Variants in CPD observed in about 807,000 individuals in gnomAD.
CPD encodes the protein carboxypeptidase D, also known as metallocarboxypeptidase D.
Under a neutral mutation model 138.3 loss-of-function variants are expected in CPD, and 69 were observed. That is an observed-to-expected ratio of 0.50 (90% CI 0.41 to 0.61). The LOEUF is 0.61. Ranked by LOEUF, CPD falls within the 20% of genes least tolerant of loss-of-function variation. CPD has a pLI of 0.00. For synonymous variants in CPD, 651 were observed against 642.1 expected, an observed-to-expected ratio of 1.01 and a Z score of -0.21; for missense variants, 1,432 against 1,733.3, an observed-to-expected ratio of 0.83 and a Z score of 3.09.
chr17:30,437,986 A>C (rs1447992395), intron 8 of CPD, among the ~76,000 whole-genome samples: 1 of 144,264 alleles, frequency 6.9e-6, no homozygotes, highest in Non-Finnish European at 1.5e-5. Flanking sequence ...ACAGACATGT[A>C]GCACCATGTG....
chr17:30,408,929 A>G (rs1911881940), intron 2 of CPD, among the ~76,000 whole-genome samples: 1 of 152,058 alleles, frequency 6.6e-6, no homozygotes, highest in African/African-American at 2.4e-5. Context: ...AAACTGGCAC[A>G]GTATTCTTGT....
chr17:30,410,642 G>A (rs1226627624), intron 2 of CPD, among the ~76,000 whole-genome samples: 1 of 152,040 alleles, frequency 6.6e-6, no homozygotes, highest in African/African-American at 2.4e-5. Flanking sequence ...GATCTTTGTT[G>A]GTTTAAAGTC....
rs1359435704 is a variant in CPD at position 30,409,118 on chromosome 17, TG to T, written c.995-11721del. 2.5e-3 allele frequency among the ~76,000 whole-genome samples: 20 copies of T among 8,162 alleles called. No individual in the cohort carries two copies. In the East Asian group the frequency reaches 0.077, roughly 31 times the overall value. The allele number at this position is 8,162 out of a possible 152,430, so 5.4% of individuals were successfully genotyped here. On this transcript the variant is annotated intron_variant, in intron 2 of 20. Transcript: ENST00000225719. ...TTCAGTATCTATTGAGATAATCATGTGGTTTTTGTCATTTGGTTGTGTTTAT... is the reference window on the plus strand; with the variant it reads ...TTCAGTATCTATTGAGATAATCATGTGTTTTTGTCATTTGGTTGTGTTTAT...
intron 2 of CPD, among the ~76,000 whole-genome samples, chr17:30,417,173 C>T (rs1419731568): frequency 6.6e-6 from 1 of 150,662 alleles, no homozygotes; most frequent in Non-Finnish European, 1.5e-5. Context: ...TGTTTACTGT[C>T]TGCTTCCCCT....
At chr17:30,404,418 C>A (rs916889407) in intron 2 of CPD, among the ~76,000 whole-genome samples, 1 of 152,012 alleles carries the variant, frequency 6.6e-6, no homozygotes, top group Admixed American at 6.6e-5. Context: ...TTTTTTGATG[C>A]ATGGTAAATA....
At position 30,378,949 on chromosome 17, in the gene CPD, A is replaced by G; in HGVS notation, c.-32A>G. ...GCCGCCCGGAGCGCTGAGCCGCGGGAGCGGAGCCGGGGTTAGCGGCGCTGC... is the reference window on the plus strand; with the variant it reads ...GCCGCCCGGAGCGCTGAGCCGCGGGGGCGGAGCCGGGGTTAGCGGCGCTGC... On this transcript the variant is annotated 5_prime_UTR_variant, in exon 1 of 21. Coordinates refer to ENST00000225719, the MANE Select transcript of CPD (RefSeq NM_001304.5). 7.0e-7 allele frequency: 1 copy of G among 1,428,514 alleles called. No homozygotes were observed. Among genetic ancestry groups the G allele is most frequent in the South Asian group, 1.5e-5 (1 of 67,120 alleles). 88.5% of individuals were successfully genotyped at this position (1,428,514 alleles called of 1,614,324 possible).
At chr17:30,399,788 G>A (rs139946704) in intron 2 of CPD, among the ~76,000 whole-genome samples, 28 of 152,118 alleles carry the variant, frequency 1.8e-4, no homozygotes, top group African/African-American at 2.7e-4. Flanking sequence ...TCAGGAGTTC[G>A]AGACCAGCCT....
intron 2 of CPD, among the ~76,000 whole-genome samples, chr17:30,396,630 T>G (rs771729136): frequency 2.0e-5 from 3 of 152,212 alleles, no homozygotes; most frequent in Non-Finnish European, 2.9e-5. Context: ...ACAAATCGAT[T>G]GAAAGAGTTT....
At chr17:30,450,649 A>G (rs529805034) in intron 13 of CPD, among the ~76,000 whole-genome samples, 1 of 152,328 alleles carries the variant, frequency 6.6e-6, no homozygotes, top group South Asian at 2.1e-4. Flanking sequence ...ACTTGAGGCC[A>G]GGCGTTTGAG....
chr17:30,392,044 C>A (rs779941755), intron 2 of CPD, among the ~76,000 whole-genome samples: 13 of 144,664 alleles, frequency 9.0e-5, no homozygotes, highest in Middle Eastern at 7.4e-3. Flanking sequence ...AAGTCTCACT[C>A]TGTCACCCAG....
intron 6 of CPD, among the ~76,000 whole-genome samples, chr17:30,426,218 AAG>A (rs1555609074): frequency 1.3e-5 from 2 of 151,386 alleles, no homozygotes; most frequent in African/African-American, 2.4e-5. Flanking sequence ...AAAAAAAAAA[AAG>A]AGGTAATGCC....
At chr17:30,420,100 A>G (rs1368893017) in intron 2 of CPD, among the ~76,000 whole-genome samples, 1 of 152,234 alleles carries the variant, frequency 6.6e-6, no homozygotes, top group African/African-American at 2.4e-5. Flanking sequence ...ATGATAGGGT[A>G]ATAGGCTGTC....
At chr17:30,398,440 C>T (rs1020579615) in intron 2 of CPD, among the ~76,000 whole-genome samples, 1 of 152,112 alleles carries the variant, frequency 6.6e-6, no homozygotes, top group Non-Finnish European at 1.5e-5. Flanking sequence ...TGACATTTCT[C>T]CTTTAATCTT....
intron 2 of CPD, among the ~76,000 whole-genome samples, chr17:30,410,456 G>T (rs1050575161): frequency 9.9e-5 from 15 of 152,110 alleles, no homozygotes; most frequent in Non-Finnish European, 1.9e-4. Context: ...TGATAGTGGG[G>T]TGTTAAAGTC....
At chr17:30,428,336 A>G (rs976818205) in intron 7 of CPD, among the ~76,000 whole-genome samples, 1 of 152,234 alleles carries the variant, frequency 6.6e-6, no homozygotes, top group Non-Finnish European at 1.5e-5. Flanking sequence ...CTTGAACAAA[A>G]TGTTCACTCA....
chr17:30,413,074 GA>G (rs1271192770), intron 2 of CPD, among the ~76,000 whole-genome samples: 2 of 152,100 alleles, frequency 1.3e-5, no homozygotes, highest in East Asian at 1.9e-4. Flanking sequence ...TCCTCACCAA[GA>G]CTCTAAACTC....
intron 2 of CPD, among the ~76,000 whole-genome samples, chr17:30,403,515 C>A (rs1911729194): frequency 6.6e-6 from 1 of 152,102 alleles, no homozygotes; most frequent in African/African-American, 2.4e-5. Context: ...TGAAAGATCT[C>A]CTTTCATGGG....
chr17:30,427,531 T>G lies in CPD; in HGVS notation c.1990T>G (p.Phe664Val), dbSNP rs773149447. Residue 664 changes from phenylalanine (F) to valine (V), a missense_variant, in exon 7 of 21, where the codon TTT becomes GTT. Phe to Val is a conservative substitution (Grantham distance 50). This residue lies in a region of CPD where 297 missense variants were observed against 405.3 expected (regional missense o/e 0.73). Transcript: ENST00000225719. ...AVMSWMKSYP[F>V]VLSANLHGGS... ...AATGAGCTGGATGAAGTCCTATCCA[T>G]TTGTACTTTCAGCAAACCTGCATGG... 6.2e-7 allele frequency: 1 copy of G among 1,614,146 alleles called. No individual in the cohort carries two copies. Among genetic ancestry groups the G allele is most frequent in the Non-Finnish European group, 8.5e-7 (1 of 1,179,990 alleles).
At chr17:30,462,294 G>C (rs1567886130) in intron 19 of CPD, 76 bp from the exon 20 acceptor site, 1 of 1,228,430 alleles carries the variant, frequency 8.1e-7, no homozygotes, top group Non-Finnish European at 1.2e-6. Context: ...TTTGCTATAT[G>C]GGGCCTAATA....
Sources: allele counts gnomAD v4.1 joint callset (sites outside exome capture counted in the v4.1 genomes callset), GRCh38; gene constraint gnomAD v4.1.1; regional missense constraint gnomAD v4.1.1; transcripts MANE v1.5; gene names NCBI Gene and HGNC (gene_info 2026-07-23, HGNC 2026-07-21).